Variants in KCNIP1 observed in about 807,000 individuals in gnomAD.
The protein encoded by KCNIP1 is A-type potassium channel modulatory protein KCNIP1.
In KCNIP1, 18 loss-of-function variants were observed where a neutral mutation model predicts 33.0. The observed-to-expected ratio is 0.55, with a 90% CI of 0.38 to 0.81. KCNIP1 has a LOEUF of 0.81. KCNIP1 is among the 30% of genes least tolerant of loss of function. The pLI, the probability that KCNIP1 is intolerant of heterozygous loss-of-function variation, is 0.00. For missense variants in KCNIP1, 238 were observed against 271.6 expected (o/e 0.88, Z 0.87); for synonymous variants, 93 against 98.3 (o/e 0.95, Z 0.32).
intron 1 of KCNIP1, among the ~76,000 whole-genome samples, chr5:170,367,349 A>AAAG (rs1763692337): frequency 1.3e-5 from 1 of 76,890 alleles, no homozygotes; most frequent in Non-Finnish European, 2.5e-5. Flanking sequence ...GAAGGAAAGA[A>AAAG]AAAGAAAGAA....
chr5:170,673,262 T>A (rs1433948283), intron 1 of KCNIP1, among the ~76,000 whole-genome samples: 1 of 152,202 alleles, frequency 6.6e-6, no homozygotes, highest in Admixed American at 6.5e-5. Context: ...GAGACAAACT[T>A]TGGAGTCAGA....
intron 1 of KCNIP1, among the ~76,000 whole-genome samples, chr5:170,439,058 G>T (rs1199824708): frequency 6.6e-6 from 1 of 152,130 alleles, no homozygotes; most frequent in Non-Finnish European, 1.5e-5. Context: ...CTAGTGGTAG[G>T]GTGGAGGGCT....
intron 1 of KCNIP1, chr5:170,382,655 CTTTTTTTTTTTT>C (rs5873227): frequency 7.7e-6 from 1 of 129,546 alleles, no homozygotes; most frequent in South Asian, 2.5e-4. Flanking sequence ...AAGAGCCTTT[CTTTTTTTTTTTT>C]TTTTTTTTGA....
chr5:170,399,610 G>C (rs1333254597), intron 1 of KCNIP1, among the ~76,000 whole-genome samples: 2 of 152,184 alleles, frequency 1.3e-5, no homozygotes, highest in Non-Finnish European at 2.9e-5. Flanking sequence ...ATGTTCTAAA[G>C]ATTGATACAA....
chr5:170,561,590 G>A lies in KCNIP1; in HGVS notation c.61+56957G>A, dbSNP rs568850088. ...CTTGTTTGTGCCTTGGCCCTTAGGC[G>A]CTATGTTTCTGCCTCTGTGGTTGAT... On this transcript the variant is annotated intron_variant, in intron 1 of 7. Coordinates refer to ENST00000328939, the MANE Select transcript of KCNIP1 (RefSeq NM_014592.4). Among the ~76,000 whole-genome samples, 267 of 152,288 alleles carry A rather than the reference G, an allele frequency of 1.8e-3. 2 individuals carry two copies. Among genetic ancestry groups the A allele is most frequent in the African/African-American group, 6.2e-3 (258 of 41,564 alleles).
intron 1 of KCNIP1, among the ~76,000 whole-genome samples, chr5:170,637,685 C>T (rs1287837634): frequency 4.6e-5 from 7 of 152,234 alleles, no homozygotes; most frequent in Non-Finnish European, 8.8e-5. Context: ...CTTTCCTGGC[C>T]GCCTCTTCCA....
At chr5:170,475,601 C>T (rs998714890) in intron 1 of KCNIP1, among the ~76,000 whole-genome samples, 2 of 152,198 alleles carry the variant, frequency 1.3e-5, no homozygotes, top group Non-Finnish European at 2.9e-5. Context: ...AAGGAGAAGT[C>T]ACAAAGTTAC....
At chr5:170,418,683 A>C (rs998833779) in intron 1 of KCNIP1, among the ~76,000 whole-genome samples, 1 of 152,152 alleles carries the variant, frequency 6.6e-6, no homozygotes, top group African/African-American at 2.4e-5. Context: ...TCTCCTCCTC[A>C]CCACTAACAC....
intron 1 of KCNIP1, among the ~76,000 whole-genome samples, chr5:170,495,064 T>G (rs879935859): frequency 6.6e-6 from 1 of 152,228 alleles, no homozygotes; most frequent in Non-Finnish European, 1.5e-5. Flanking sequence ...TCACTGAACT[T>G]AATTTCTACT....
chr5:170,462,275 A>AAAAAAAAAAAAAAAC (rs1756521489), intron 1 of KCNIP1, among the ~76,000 whole-genome samples: 1 of 148,200 alleles, frequency 6.7e-6, no homozygotes, highest in Non-Finnish European at 1.5e-5. Flanking sequence ...AAAAAAAAAA[A>AAAAAAAAAAAAAAAC]AAAAAAAAAA....
intron 1 of KCNIP1, among the ~76,000 whole-genome samples, chr5:170,559,601 A>G (rs1433276102): frequency 1.3e-5 from 2 of 151,984 alleles, no homozygotes; most frequent in African/African-American, 4.8e-5. Flanking sequence ...CCCCTCTTCT[A>G]TTGTTTGGGG....
chr5:170,560,178 C>G (rs756917264), intron 1 of KCNIP1, among the ~76,000 whole-genome samples: 3 of 152,124 alleles, frequency 2.0e-5, no homozygotes, highest in African/African-American at 2.4e-5. Context: ...ATTAAACCAG[C>G]CTACCACCTG....
At chr5:170,458,353 G>A (rs1324733286) in intron 1 of KCNIP1, among the ~76,000 whole-genome samples, 3 of 152,098 alleles carry the variant, frequency 2.0e-5, no homozygotes, top group Admixed American at 6.5e-5. Flanking sequence ...AAGAACACCT[G>A]GGAAATTCAT....
intron 1 of KCNIP1, chr5:170,378,738 T>A (rs775245071): frequency 5.6e-6 from 9 of 1,613,944 alleles, no homozygotes; most frequent in Non-Finnish European, 7.6e-6. Flanking sequence ...CAGGTACTGG[T>A]TGCTCTTCAC....
At chr5:170,722,101 C>T (rs1320566570) in intron 4 of KCNIP1, among the ~76,000 whole-genome samples, 198 bp downstream of exon 4, 1 of 152,180 alleles carries the variant, frequency 6.6e-6, no homozygotes, top group Non-Finnish European at 1.5e-5. Context: ...AACTCAGGGA[C>T]TCAGGGGACT....
intron 1 of KCNIP1, among the ~76,000 whole-genome samples, chr5:170,406,250 C>T (rs186623579): frequency 2.6e-5 from 4 of 152,284 alleles, no homozygotes; most frequent in East Asian, 1.9e-4. Context: ...TGGAAAATCA[C>T]GGATCCGTGG....
intron 1 of KCNIP1, chr5:170,680,635 A>G (rs1335120571): frequency 6.6e-6 from 1 of 152,056 alleles, no homozygotes; most frequent in African/African-American, 2.4e-5. Flanking sequence ...GTCCCTTTGA[A>G]AAAGCATCTT....
chr5:170,525,612 C>T (rs928415000), intron 1 of KCNIP1, among the ~76,000 whole-genome samples: 3 of 152,210 alleles, frequency 2.0e-5, no homozygotes, highest in Admixed American at 6.5e-5. Flanking sequence ...GAGCCTGTGA[C>T]CTTTACCGCC....
At chr5:170,605,498 G>A (rs1439737722) in intron 1 of KCNIP1, among the ~76,000 whole-genome samples, 2 of 152,046 alleles carry the variant, frequency 1.3e-5, no homozygotes, top group African/African-American at 2.4e-5. Context: ...CATTCACAAC[G>A]GCATGCAGCC....
Sources: allele counts gnomAD v4.1 joint callset (sites outside exome capture counted in the v4.1 genomes callset), GRCh38; gene constraint gnomAD v4.1.1; transcripts MANE v1.5; gene names NCBI Gene and HGNC (gene_info 2026-07-23, HGNC 2026-07-21).